Variants in STK33 observed in about 807,000 individuals in gnomAD.
STK33 encodes the protein serine/threonine kinase 33.
Under a neutral mutation model 58.0 loss-of-function variants are expected in STK33, and 52 were observed. The observed-to-expected ratio is 0.90, with a 90% confidence interval of 0.72 to 1.13. The LOEUF is 1.13. Among genes scored for constraint, STK33 ranks in the 50% most tolerant of loss-of-function variants. STK33 has a pLI of 0.00. For synonymous variants in STK33, 215 were observed against 200.1 expected (o/e 1.07, Z -0.63); for missense variants, 630 against 604.2 (o/e 1.04, Z -0.45).
At chr11:8,476,174 A>G (rs1329175065) in intron 4 of STK33, among the ~76,000 whole-genome samples, 2 of 152,190 alleles carry the variant, frequency 1.3e-5, no homozygotes, top group Non-Finnish European at 2.9e-5. Flanking sequence ...GCTCATTAAC[A>G]TCCTACATTT....
At chr11:8,489,265 AAAAAAAG>A (rs1394959311) in intron 1 of STK33, among the ~76,000 whole-genome samples, 2 of 92,508 alleles carry the variant, frequency 2.2e-5, no homozygotes, top group Non-Finnish European at 4.3e-5. Flanking sequence ...TCCAAAAAAA[AAAAAAAG>A]AAAAAAAAAA....
the STK33 span, among the ~76,000 whole-genome samples, chr11:8,352,288 A>T: frequency 1.4e-3 from 210 of 152,298 alleles, 1 homozygote; most frequent in African/African-American, 4.8e-3. Context: ...GACTGATGCT[A>T]CCATGGACAG....
At chr11:8,409,875 A>G (rs926879412) in intron 15 of STK33, among the ~76,000 whole-genome samples, 3 of 152,092 alleles carry the variant, frequency 2.0e-5, no homozygotes, top group Non-Finnish European at 2.9e-5. Context: ...TATTATTCCT[A>G]TTTTACAGAT....
intron 14 of STK33, among the ~76,000 whole-genome samples, chr11:8,433,011 C>T (rs951788940): frequency 3.3e-5 from 5 of 152,142 alleles, no homozygotes; most frequent in African/African-American, 1.2e-4. Context: ...AATGGCCCAA[C>T]CCGAATGTTG....
the STK33 span, among the ~76,000 whole-genome samples, chr11:8,358,466 C>T: frequency 3.5e-4 from 53 of 152,340 alleles, no homozygotes; most frequent in South Asian, 4.1e-4. Context: ...GTCTGCCCTC[C>T]GGCCAAGGTC....
chr11:8,521,673 C>A (rs374750882), intron 1 of STK33, among the ~76,000 whole-genome samples: 1 of 152,016 alleles, frequency 6.6e-6, no homozygotes, highest in Non-Finnish European at 1.5e-5. Context: ...AGAAACTACC[C>A]TCAGAGTGAA....
At chr11:8,417,317 G>A (rs1333526903) in intron 14 of STK33, among the ~76,000 whole-genome samples, 1 of 151,912 alleles carries the variant, frequency 6.6e-6, no homozygotes, top group African/African-American at 2.4e-5. Flanking sequence ...ATTTAATATC[G>A]AACAACTAGA....
intron 14 of STK33, among the ~76,000 whole-genome samples, chr11:8,428,032 C>T (rs1942980082): frequency 6.6e-6 from 1 of 152,126 alleles, no homozygotes; most frequent in Admixed American, 6.5e-5. Flanking sequence ...GGGGAAGAAC[C>T]TTAGACACCA....
chr11:8,422,430 C>T (rs1182224102), intron 14 of STK33, among the ~76,000 whole-genome samples: 4 of 151,958 alleles, frequency 2.6e-5, no homozygotes, highest in Admixed American at 6.6e-5. Flanking sequence ...GTCACAATGT[C>T]GTGGTATAGT....
intron 15 of STK33, among the ~76,000 whole-genome samples, chr11:8,409,351 G>C (rs1939813086): frequency 6.6e-6 from 1 of 152,186 alleles, no homozygotes; most frequent in Non-Finnish European, 1.5e-5. Flanking sequence ...GACAGAAATA[G>C]AAGAGAGCAA....
At chr11:8,352,009 C>T in the STK33 span, among the ~76,000 whole-genome samples, 6 of 152,340 alleles carry the variant, frequency 3.9e-5, no homozygotes, top group South Asian at 8.3e-4. Context: ...CAGGGCCTGA[C>T]GTGGCCTCTG....
Position 8,524,282 on chromosome 11 carries a change from C to G in STK33, c.-465-43668G>C, listed in dbSNP as rs546719682. Among the ~76,000 whole-genome samples the G allele has an allele frequency of 1.6e-4, 24 of 152,104 alleles. 1 individual carries two copies. The South Asian group carries it at 5.0e-3, about 32-fold the overall frequency. ...TTGTCCTATGACCCTGCCAAATCCC[C>G]CTCTCCGAGAAACACCCAAGAACGA... On this transcript the variant is annotated intron_variant, in intron 1 of 15. Transcript: ENST00000687296.
At chr11:8,383,969 T>C in the STK33 span, among the ~76,000 whole-genome samples, 2 of 152,136 alleles carry the variant, frequency 1.3e-5, no homozygotes, top group Non-Finnish European at 2.9e-5. Flanking sequence ...CTCCAACCCT[T>C]AAATCCATCT....
At chr11:8,534,844 C>A (rs1954870794) in intron 1 of STK33, among the ~76,000 whole-genome samples, 1 of 151,964 alleles carries the variant, frequency 6.6e-6, no homozygotes, top group African/African-American at 2.4e-5. Context: ...CCTATAAAGT[C>A]CTATAGATCT....
At chr11:8,447,171 A>G (rs914673311) in intron 11 of STK33, among the ~76,000 whole-genome samples, 3 of 152,216 alleles carry the variant, frequency 2.0e-5, no homozygotes. Flanking sequence ...GACACTTTTC[A>G]AAAGAAGACA....
intron 1 of STK33, among the ~76,000 whole-genome samples, chr11:8,571,820 G>A (rs1275431351): frequency 3.8e-4 from 54 of 143,882 alleles, no homozygotes; most frequent in Non-Finnish European, 6.0e-4. Flanking sequence ...GCGACAGAGC[G>A]AGACCCAGTC....
intron 1 of STK33, among the ~76,000 whole-genome samples, chr11:8,574,116 T>C (rs2141200607): frequency 6.6e-6 from 1 of 152,164 alleles, no homozygotes; most frequent in Admixed American, 6.5e-5. Context: ...CTATCCCCAC[T>C]CACCCCAGAG....
At chr11:8,405,188 T>C (rs1354156564) in intron 15 of STK33, among the ~76,000 whole-genome samples, 1 of 152,230 alleles carries the variant, frequency 6.6e-6, no homozygotes, top group African/African-American at 2.4e-5. Flanking sequence ...TAGTACCATT[T>C]TGCATTCCCA....
At chr11:8,458,070 C>T (rs1947089011) in intron 8 of STK33, among the ~76,000 whole-genome samples, 1 of 152,004 alleles carries the variant, frequency 6.6e-6, no homozygotes, top group Non-Finnish European at 1.5e-5. Context: ...TAAGGAGCCA[C>T]TGAAGATTTT....
Sources: allele counts gnomAD v4.1 joint callset (sites outside exome capture counted in the v4.1 genomes callset), GRCh38; gene constraint gnomAD v4.1.1; transcripts MANE v1.5; gene names NCBI Gene and HGNC (gene_info 2026-07-23, HGNC 2026-07-21).